The following TSG101 variants were observed in gnomAD, a reference collection of about 807,000 sequenced individuals.
TSG101 encodes the protein tumor susceptibility gene 101 protein.
TSG101 carries 19 observed loss-of-function variants against 48.5 expected under a neutral mutation model. That is an observed-to-expected ratio of 0.39 (90% CI 0.27 to 0.58). The LOEUF is 0.58. Ranked by LOEUF, TSG101 falls within the 20% of genes least tolerant of loss-of-function variation. The probability of loss-of-function intolerance (pLI) is 0.55; values close to 1 mark genes in which losing one functional copy is unlikely to be tolerated. For synonymous variants in TSG101, 174 were observed against 169.4 expected (o/e 1.03, Z -0.21); for missense variants, 365 against 484.4 (o/e 0.75, Z 2.31).
chr11:18,513,997 T>C (rs1049561272), intron 4 of TSG101, among the ~76,000 whole-genome samples: 1 of 152,038 alleles, frequency 6.6e-6, no homozygotes, highest in Non-Finnish European at 1.5e-5. Context: ...CCAAGCTGAA[T>C]TGCTTGGACC....
chr11:18,512,645 C>T (rs1002794951), intron 4 of TSG101, among the ~76,000 whole-genome samples: 1 of 151,614 alleles, frequency 6.6e-6, no homozygotes, highest in African/African-American at 2.4e-5. Context: ...ATATTATCTT[C>T]TTCCAGCAAG....
At chr11:18,524,783 C>G (rs1850339005) in intron 1 of TSG101, among the ~76,000 whole-genome samples, 1 of 152,088 alleles carries the variant, frequency 6.6e-6, no homozygotes, top group South Asian at 2.1e-4. Flanking sequence ...TCTGAACATG[C>G]CTTGCCTTTG....
At chr11:18,487,517 C>T (rs959141764) in intron 7 of TSG101, among the ~76,000 whole-genome samples, 6 of 152,086 alleles carry the variant, frequency 3.9e-5, no homozygotes, top group African/African-American at 1.2e-4. Context: ...AACATTAGAT[C>T]GTTTCTGTAA....
chr11:18,505,324 A>G (rs1433996455), intron 6 of TSG101, among the ~76,000 whole-genome samples: 2 of 151,004 alleles, frequency 1.3e-5, no homozygotes. Context: ...TGGTGCAATT[A>G]CGGCTCATTG....
At chr11:18,516,840 C>G (rs1016585883) in intron 2 of TSG101, among the ~76,000 whole-genome samples, 2 of 151,064 alleles carry the variant, frequency 1.3e-5, no homozygotes, top group Non-Finnish European at 2.9e-5. Context: ...ACTCGGAAGG[C>G]TGAGGCAGGA....
intron 7 of TSG101, 102 bp from the exon 8 acceptor site, chr11:18,484,174 CAAAATGTGAGGAAAGAA>C: frequency 1.7e-6 from 2 of 1,180,138 alleles, no homozygotes; most frequent in Admixed American, 4.6e-5. Flanking sequence ...CCGACACTTT[CAAAATGTGAGGAAAGAA>C]AAAAATTATG....
chr11:18,517,170 C>A (rs1248519949), intron 2 of TSG101, among the ~76,000 whole-genome samples: 2 of 151,334 alleles, frequency 1.3e-5, no homozygotes, highest in African/African-American at 4.9e-5. Flanking sequence ...TACAGGCGTG[C>A]ACTACCATGC....
At chr11:18,490,809 T>A in intron 7 of TSG101, 1 of 542,382 alleles carries the variant, frequency 1.8e-6, no homozygotes, top group Admixed American at 2.0e-5. Context: ...CCAACCATGT[T>A]CTTGTAGGCA....
At chr11:18,509,467 T>C (rs1269812862) in intron 5 of TSG101, 75 bp downstream of exon 5, 1 of 1,519,392 alleles carries the variant, frequency 6.6e-7, no homozygotes, top group African/African-American at 1.4e-5. Flanking sequence ...TCATTATTTT[T>C]CTTTATTTTT....
chr11:18,505,413 G>A (rs1379723606), intron 6 of TSG101, among the ~76,000 whole-genome samples: 2 of 152,006 alleles, frequency 1.3e-5, no homozygotes, highest in Non-Finnish European at 2.9e-5. Flanking sequence ...ACACCACCAT[G>A]CCTGGCTAAT....
At chr11:18,482,317 T>C (rs1244923659) in intron 8 of TSG101, among the ~76,000 whole-genome samples, 2 of 152,318 alleles carry the variant, frequency 1.3e-5, no homozygotes, top group East Asian at 1.9e-4. Context: ...TCACAAAGTA[T>C]CACACGCAGG....
chr11:18,519,667 A>T, intron 1 of TSG101, 64 bp from the exon 2 acceptor site: 1 of 1,210,290 alleles, frequency 8.3e-7, no homozygotes, highest in South Asian at 1.4e-5. Flanking sequence ...CAGCTGGATG[A>T]ATTTTCTTAA....
chr11:18,526,288 G>C (rs1318755194), intron 1 of TSG101, among the ~76,000 whole-genome samples: 1 of 152,170 alleles, frequency 6.6e-6, no homozygotes, highest in Non-Finnish European at 1.5e-5. Flanking sequence ...GGCAGTAAGG[G>C]ACTGGTATTT....
chr11:18,490,805 A>G, intron 7 of TSG101: 1 of 538,882 alleles, frequency 1.9e-6, no homozygotes, highest in Non-Finnish European at 3.7e-6. Context: ...GGCACCAACC[A>G]TGTTCTTGTA....
chr11:18,484,189 GAAA>G lies in TSG101; in HGVS notation c.641-120_641-118del, dbSNP rs1590268937. 5.6e-5 allele frequency: 54 copies of G among 971,180 alleles called. No individual in the cohort carries two copies. The East Asian group carries it at 1.3e-3, about 24-fold the overall frequency. The allele number at this position is 971,180 out of a possible 1,614,324, so 60.2% of individuals were successfully genotyped here. A position where few individuals can be genotyped will look rare whatever the true frequency, so the allele number is the denominator to read the frequency against. ...CCGACACTTTCAAAATGTGAGGAAA[GAAA>G]AAAATTATGTTACCAGTTTCATGAG... On this transcript the variant is annotated intron_variant, in intron 7 of 9. Transcript: ENST00000251968.
intron 1 of TSG101, among the ~76,000 whole-genome samples, chr11:18,523,558 A>C (rs1393723142): frequency 6.6e-6 from 1 of 152,138 alleles, no homozygotes; most frequent in Non-Finnish European, 1.5e-5. Context: ...GCTGGAGTGC[A>C]GTGGCGTGAT....
At chr11:18,489,533 AAGTGAACACACTGC>A (rs2133906778) in intron 7 of TSG101, among the ~76,000 whole-genome samples, 2 of 152,372 alleles carry the variant, frequency 1.3e-5, no homozygotes, top group South Asian at 4.1e-4. Context: ...ATTGGTAACA[AAGTGAACACACTGC>A]AGTAGAAAAG....
chr11:18,490,395 A>G, intron 7 of TSG101: 1 of 595,176 alleles, frequency 1.7e-6, no homozygotes, highest in Non-Finnish European at 3.2e-6. Flanking sequence ...TGTTTTTGCC[A>G]GGCTGCAGGC....
chr11:18,526,911 G>A lies in TSG101; in HGVS notation c.-95C>T, dbSNP rs888727555. 3 of 1,391,074 alleles carry A rather than the reference G, an allele frequency of 2.2e-6. No homozygotes were observed. Among genetic ancestry groups the A allele is most frequent in the Non-Finnish European group, 2.9e-6 (3 of 1,022,906 alleles). The allele number at this position is 1,391,074 out of a possible 1,614,324, so 86.2% of individuals were successfully genotyped here. A position where few individuals can be genotyped will look rare whatever the true frequency, so the allele number is the denominator to read the frequency against. On this transcript the variant is annotated 5_prime_UTR_variant, in exon 1 of 10. Coordinates refer to ENST00000251968, the MANE Select transcript of TSG101 (RefSeq NM_006292.4). ...CCACACAATCGCACACCCCCAACCC[G>A]GCCTCAAACAACAGGAAGTCGGCAC...
Sources: allele counts gnomAD v4.1 joint callset (sites outside exome capture counted in the v4.1 genomes callset), GRCh38; gene constraint gnomAD v4.1.1; transcripts MANE v1.5; gene names NCBI Gene and HGNC (gene_info 2026-07-23, HGNC 2026-07-21).